The following PI4KA variants were observed in gnomAD, a reference collection of about 807,000 sequenced individuals.
The protein encoded by PI4KA is phosphatidylinositol 4-kinase alpha.
A neutral mutation model predicts 271.4 loss-of-function variants in PI4KA; 122 were observed. The ratio of observed to expected loss-of-function variants is 0.45; its 90% CI spans 0.39 to 0.52. The LOEUF is 0.52. Ranked by LOEUF, PI4KA falls within the 20% of genes least tolerant of loss-of-function variation. The probability of loss-of-function intolerance (pLI) is 0.00; values close to 1 mark genes in which losing one functional copy is unlikely to be tolerated. For synonymous variants in PI4KA, 1,041 were observed against 1,078.8 expected (o/e 0.96, Z 0.69); for missense variants, 1,969 against 2,769.1 (o/e 0.71, Z 6.48).
In PI4KA at chr22:20,854,543, T is replaced by C. The variant is rs561284280; in HGVS notation, c.156+4027A>G. ...ACTGTGGCATGTAGAGAGACAAAGG[T>C]AGGGAAGGTTATGTCATTAATGTAC... is the stretch of plus-strand genomic sequence containing the variant. On this transcript the variant is annotated intron_variant, in intron 1 of 54. Transcript: ENST00000255882. Among the ~76,000 whole-genome samples the C allele has an allele frequency of 5.3e-5, 8 of 151,652 alleles. No homozygotes were observed. The East Asian group carries it at 1.5e-3, about 29-fold the overall frequency.
intron 14 of PI4KA, 121 bp from the exon 15 acceptor site, chr22:20,799,887 C>G: frequency 1.6e-6 from 1 of 619,458 alleles, no homozygotes; most frequent in South Asian, 2.1e-5. Context: ...TTTCTTCCCC[C>G]CAAATTGGAG....
chr22:20,746,539 C>T (rs991759876), intron 29 of PI4KA, among the ~76,000 whole-genome samples: 3 of 152,200 alleles, frequency 2.0e-5, no homozygotes, highest in Non-Finnish European at 2.9e-5. Flanking sequence ...TGTAATAAAG[C>T]TTTGCTCCTA....
chr22:20,809,096 G>A lies in PI4KA; in HGVS notation c.1072-1638C>T, dbSNP rs114852655. ...CAGACAACGTCTGGTGGTCCTCACAGGGCAGAAATGGAGAAATGAGACTGG... is the reference window on the plus strand; with the variant it reads ...CAGACAACGTCTGGTGGTCCTCACAAGGCAGAAATGGAGAAATGAGACTGG... On this transcript the variant is annotated intron_variant, in intron 9 of 54. Transcript: ENST00000255882. 6.3e-3 allele frequency among the ~76,000 whole-genome samples: 956 copies of A among 152,288 alleles called. 9 individuals carry two copies. The highest frequency in any genetic ancestry group is 0.021 in the African/African-American group (875 of 41,548).
At chr22:20,766,912 G>A (rs1226252848) in intron 19 of PI4KA, among the ~76,000 whole-genome samples, 1 of 152,182 alleles carries the variant, frequency 6.6e-6, no homozygotes, top group African/African-American at 2.4e-5. Flanking sequence ...GACACATCAT[G>A]CACAGCAGGC....
At chr22:20,711,603 G>A (rs1925280770) in intron 50 of PI4KA, 142 bp from the exon 51 acceptor site, 2 of 892,202 alleles carry the variant, frequency 2.2e-6, no homozygotes, top group Non-Finnish European at 3.5e-6. Flanking sequence ...GAATCAGCAA[G>A]CCAGTCTTCG....
At chr22:20,787,225 G>C (rs1428779222) in intron 19 of PI4KA, 1 of 695,382 alleles carries the variant, frequency 1.4e-6, no homozygotes, top group East Asian at 2.7e-5. Context: ...ACCAAGAAGA[G>C]AGGCTTGTTG....
intron 1 of PI4KA, among the ~76,000 whole-genome samples, chr22:20,848,374 T>C (rs1279804240): frequency 6.6e-6 from 1 of 151,966 alleles, no homozygotes; most frequent in African/African-American, 2.4e-5. Context: ...ATTTCCATGG[T>C]AATTCAAGGG....
Position 20,707,899 on chromosome 22 carries a change from G to T in PI4KA, c.*148C>A. ...GCGTTACCAAGGCTGCGCCACCCACGTGCTGCCCCAGGAGGCGCTACCAGG... is the reference window on the plus strand; with the variant it reads ...GCGTTACCAAGGCTGCGCCACCCACTTGCTGCCCCAGGAGGCGCTACCAGG... On this transcript the variant is annotated 3_prime_UTR_variant, in exon 55 of 55. Transcript: ENST00000255882. 2 of 782,604 alleles carry T rather than the reference G, an allele frequency of 2.6e-6. No homozygotes were observed. Among genetic ancestry groups the T allele is most frequent in the Non-Finnish European group, 4.7e-6 (2 of 427,904 alleles). 48.5% of individuals were successfully genotyped at this position (782,604 alleles called of 1,614,324 possible).
Position 20,813,369 on chromosome 22 carries a change from G to C in PI4KA, c.994C>G (p.Leu332Val), listed in dbSNP as rs1460367657. Residue 332 changes from leucine to valine, a missense_variant, in exon 8 of 55, where the codon CTC (leucine) becomes GTC (valine). Around this residue, in one of 13 missense-constraint regions of PI4KA, gnomAD observed 540 missense variants for 555.5 expected, o/e 0.97. Transcript: ENST00000255882. ...AGTTCTTTGCTTACCAGGTTTAAGA[G>C]TTCCCGAAGCATTTCCAATGGAATG... ...FNIPLEMLRELLNLVKKIVEE... is the reference protein window; with the variant it reads ...FNIPLEMLREVLNLVKKIVEE... 1.2e-6 allele frequency: 2 copies of C among 1,613,308 alleles called. No individual in the cohort carries two copies. Among genetic ancestry groups the C allele is most frequent in the Non-Finnish European group, 1.7e-6 (2 of 1,179,372 alleles).
At chr22:20,731,173 C>T (rs1317737270) in intron 36 of PI4KA, among the ~76,000 whole-genome samples, 1 of 151,972 alleles carries the variant, frequency 6.6e-6, no homozygotes, top group Admixed American at 6.5e-5. Flanking sequence ...AATGAGACTG[C>T]ATTTCTAAAA....
intron 1 of PI4KA, among the ~76,000 whole-genome samples, chr22:20,842,172 G>A (rs1259116624): frequency 2.0e-5 from 3 of 152,020 alleles, no homozygotes; most frequent in Non-Finnish European, 2.9e-5. Flanking sequence ...AGGTTGCAGT[G>A]AGCTGAGATT....
In PI4KA at chr22:20,741,789, T is replaced by A. The variant is rs529218080; in HGVS notation, c.3741+439A>T. Among the ~76,000 whole-genome samples, 4 of 152,318 alleles carry A rather than the reference T, an allele frequency of 2.6e-5. No homozygotes were observed. In the South Asian group the frequency reaches 6.2e-4, roughly 24 times the overall value. ...AAATTGTTCTTAAGCGTTTATCTAA[T>A]CAGCTGAAACGTGAGTATAAACTTC... On this transcript the variant is annotated intron_variant, in intron 32 of 54. Coordinates refer to ENST00000255882, the MANE Select transcript of PI4KA (RefSeq NM_058004.4).
intron 29 of PI4KA, 84 bp downstream of exon 29, chr22:20,747,499 G>A (rs1160824624): frequency 6.8e-7 from 1 of 1,462,562 alleles, no homozygotes. Context: ...GTCATGAAAA[G>A]CGACAGCCGA....
At chr22:20,736,761 G>A (rs570776493) in intron 32 of PI4KA, 41 of 156,006 alleles carry the variant, frequency 2.6e-4, no homozygotes, top group East Asian at 7.6e-4. Flanking sequence ...TGAATGGAGG[G>A]ACCTCGCTGG....
At chr22:20,827,909 C>T (rs1601582895) in intron 3 of PI4KA, among the ~76,000 whole-genome samples, 1 of 152,308 alleles carries the variant, frequency 6.6e-6, no homozygotes. Flanking sequence ...ATTCTCCTGC[C>T]TCAGCCTCCC....
intron 28 of PI4KA, among the ~76,000 whole-genome samples, chr22:20,747,916 T>C (rs1322843867): frequency 1.3e-5 from 2 of 151,566 alleles, no homozygotes; most frequent in East Asian, 1.9e-4. Context: ...GCAATTTTTT[T>C]TGTAGAGATG....
chr22:20,739,821 G>C (rs1334986217), intron 32 of PI4KA, among the ~76,000 whole-genome samples: 1 of 152,128 alleles, frequency 6.6e-6, no homozygotes, highest in African/African-American at 2.4e-5. Flanking sequence ...CCAGCACTTT[G>C]GGAGGCTGAG....
Position 20,726,689 on chromosome 22 carries a change from G to A in PI4KA, c.4942-148C>T, listed in dbSNP as rs567840037. 35 of 688,246 alleles carry A rather than the reference G, an allele frequency of 5.1e-5. No homozygotes were observed. In the Admixed American group the frequency reaches 1.1e-3, roughly 21 times the overall value. The allele number at this position is 688,246 out of a possible 1,614,324, so 42.6% of individuals were successfully genotyped here. ...AGGATGGCAGGCAAAATGACCGATG[G>A]CTCAGAACACAGGAATGGAGGAAAC... On this transcript the variant is annotated intron_variant, in intron 41 of 54. Transcript: ENST00000255882.
intron 48 of PI4KA, 87 bp from the exon 49 acceptor site, chr22:20,712,884 C>T: frequency 1.3e-6 from 2 of 1,548,300 alleles, no homozygotes; most frequent in Non-Finnish European, 1.7e-6. Context: ...AAAAGCCAAG[C>T]ACCCAGAGAT....
Sources: allele counts gnomAD v4.1 joint callset (sites outside exome capture counted in the v4.1 genomes callset), GRCh38; gene constraint gnomAD v4.1.1; regional missense constraint gnomAD v4.1.1; transcripts MANE v1.5; gene names NCBI Gene and HGNC (gene_info 2026-07-23, HGNC 2026-07-21).